Variants in LASP1 observed in about 807,000 individuals in gnomAD.
LASP1 encodes the protein LIM and SH3 domain protein 1.
A neutral mutation model predicts 38.6 loss-of-function variants in LASP1; 10 were observed. That is an observed-to-expected ratio of 0.26 (90% CI 0.16 to 0.44). The LOEUF (loss-of-function observed/expected upper bound fraction) is 0.44, where lower values mean the gene tolerates loss of function less well. Among genes scored for constraint, LASP1 ranks in the 20% least tolerant of loss-of-function variants. The pLI, the probability that LASP1 is intolerant of heterozygous loss-of-function variation, is 1.00. For synonymous variants in LASP1, 132 were observed against 140.8 expected (o/e 0.94, Z 0.44); for missense variants, 243 against 375.7 (o/e 0.65, Z 2.92).
At chr17:38,911,947 C>G (rs1914963289) in intron 4 of LASP1, among the ~76,000 whole-genome samples, 1 of 152,200 alleles carries the variant, frequency 6.6e-6, no homozygotes, top group South Asian at 2.1e-4. Context: ...GCGCCCGTCA[C>G]CACACCCAGC....
intron 1 of LASP1, among the ~76,000 whole-genome samples, chr17:38,877,855 C>T (rs1014386702): frequency 6.6e-5 from 10 of 152,288 alleles, no homozygotes; most frequent in Admixed American, 2.0e-4. Context: ...CTGTCTCTTC[C>T]TCCTGGGTTC....
chr17:38,872,042 C>A (rs1376214156), intron 1 of LASP1, among the ~76,000 whole-genome samples: 1 of 152,178 alleles, frequency 6.6e-6, no homozygotes, highest in East Asian at 1.9e-4. Flanking sequence ...GCACTTGACC[C>A]GTATAAGGAA....
chr17:38,893,097 C>T (rs1447981616), intron 3 of LASP1, among the ~76,000 whole-genome samples: 1 of 152,234 alleles, frequency 6.6e-6, no homozygotes. Context: ...CTCTTATTAT[C>T]CCCATCATAC....
In LASP1 at chr17:38,898,401, C is replaced by T; in HGVS notation, c.250-11C>T. The T allele has an allele frequency of 6.5e-7, 1 of 1,538,952 alleles. No individual in the cohort carries two copies. Among genetic ancestry groups the T allele is most frequent in the Non-Finnish European group, 8.8e-7 (1 of 1,137,060 alleles). ...GGCCTGACTCCAATCCCTCTTCCTC[C>T]CCTCCTGCAGGTGCGCTACAAGGAG... is the stretch of plus-strand genomic sequence containing the variant. On this transcript the variant is annotated splice_polypyrimidine_tract_variant and intron_variant, in intron 3 of 6. Coordinates refer to ENST00000318008, the MANE Select transcript of LASP1 (RefSeq NM_006148.4).
intron 3 of LASP1, among the ~76,000 whole-genome samples, chr17:38,896,087 C>T (rs909329429): frequency 6.6e-6 from 1 of 152,168 alleles, no homozygotes; most frequent in Non-Finnish European, 1.5e-5. Context: ...TCCTAGACAA[C>T]AGGGGCAAGC....
chr17:38,876,142 C>A (rs1913766850), intron 1 of LASP1, among the ~76,000 whole-genome samples: 1 of 151,446 alleles, frequency 6.6e-6, no homozygotes, highest in Non-Finnish European at 1.5e-5. Flanking sequence ...AAGACCCCTC[C>A]AGGCTGCCAC....
At chr17:38,880,617 G>GAGAGCT (rs1913919226) in intron 2 of LASP1, among the ~76,000 whole-genome samples, 1 of 152,184 alleles carries the variant, frequency 6.6e-6, no homozygotes, top group Admixed American at 6.5e-5. Flanking sequence ...AGAGACCTGG[G>GAGAGCT]GGCTTTGTGA....
At chr17:38,911,116 G>A (rs1914928079) in intron 4 of LASP1, among the ~76,000 whole-genome samples, 1 of 152,116 alleles carries the variant, frequency 6.6e-6, no homozygotes, top group African/African-American at 2.4e-5. Flanking sequence ...GTGCAGTGCT[G>A]TGGGAGACCC....
At position 38,919,236 on chromosome 17, in the gene LASP1, A is replaced by C. The variant is rs1454817380; in HGVS notation, c.*458A>C. On this transcript the variant is annotated 3_prime_UTR_variant, in exon 7 of 7. Coordinates refer to ENST00000318008, the MANE Select transcript of LASP1 (RefSeq NM_006148.4). ...CTTGGTTCCTGGGATGGCGATGGGG[A>C]CTCTGCCGCTGTGTAGGGACCAGTG... 3.8e-6 allele frequency: 1 copy of C among 260,134 alleles called. No individual in the cohort carries two copies. Among genetic ancestry groups the C allele is most frequent in the Non-Finnish European group, 7.5e-6 (1 of 133,216 alleles). The allele number at this position is 260,134 out of a possible 1,614,324, so 16.1% of individuals were successfully genotyped here. A position where few individuals can be genotyped will look rare whatever the true frequency, so the allele number is the denominator to read the frequency against.
chr17:38,874,274 C>T (rs1367488705), intron 1 of LASP1, among the ~76,000 whole-genome samples: 5 of 152,190 alleles, frequency 3.3e-5, no homozygotes, highest in South Asian at 2.1e-4. Flanking sequence ...GAGGGGGGCT[C>T]TTGCTCTGGG....
chr17:38,875,037 A>G (rs1913720469), intron 1 of LASP1, among the ~76,000 whole-genome samples: 1 of 138,330 alleles, frequency 7.2e-6, no homozygotes. Flanking sequence ...CCGTGGTCCT[A>G]GGACAGTGTG....
intron 1 of LASP1, among the ~76,000 whole-genome samples, chr17:38,874,299 G>A (rs1913694747): frequency 6.6e-6 from 1 of 152,214 alleles, no homozygotes; most frequent in Non-Finnish European, 1.5e-5. Context: ...AGCCCATGGG[G>A]CAGGGCAGAG....
intron 2 of LASP1, among the ~76,000 whole-genome samples, chr17:38,886,880 G>T (rs891000631): frequency 2.0e-5 from 3 of 152,158 alleles, no homozygotes; most frequent in African/African-American, 7.2e-5. Flanking sequence ...CGGTCTTTGG[G>T]CACTGGAGCT....
chr17:38,917,980 A>T (rs754001301), intron 6 of LASP1, among the ~76,000 whole-genome samples: 1 of 152,108 alleles, frequency 6.6e-6, no homozygotes. Context: ...CTCTACAAAA[A>T]AGTACAAAAA....
rs2143734264 is a variant in LASP1, at chr17:38,878,123, A to G, written c.107A>G (p.Lys36Arg). ...HKACFHCETC[K>R]MTLNMKNYKG... ...GCATGCTTCCATTGCGAGACCTGCA[A>G]GATGACACTGAACATGAAGAACTAC... The change falls in exon 2 of 7, where the codon AAG becomes AGG. Residue 36 changes from lysine (K) to arginine (R), a missense_variant. Lys to Arg is a conservative substitution (Grantham distance 26). This residue lies in a region of LASP1 where 43 missense variants were observed against 108.3 expected (regional missense o/e 0.40). Coordinates refer to ENST00000318008, the MANE Select transcript of LASP1 (RefSeq NM_006148.4). 1 of 1,614,050 alleles carries G rather than the reference A, an allele frequency of 6.2e-7. No homozygotes were observed. The highest frequency in any genetic ancestry group is 1.7e-5 in the Admixed American group (1 of 60,016).
At chr17:38,917,817 G>A (rs1915176608) in intron 6 of LASP1, among the ~76,000 whole-genome samples, 1 of 151,944 alleles carries the variant, frequency 6.6e-6, no homozygotes. Flanking sequence ...AGCCTCCTGA[G>A]TAGCTGAGAC....
chr17:38,902,611 A>G (rs938903792), intron 4 of LASP1, among the ~76,000 whole-genome samples: 1 of 152,154 alleles, frequency 6.6e-6, no homozygotes, highest in Non-Finnish European at 1.5e-5. Context: ...TGTATCCAAA[A>G]TAGCATTCCT....
chr17:38,901,888 C>G (rs1304342142), intron 4 of LASP1, among the ~76,000 whole-genome samples: 1 of 152,030 alleles, frequency 6.6e-6, no homozygotes, highest in Admixed American at 6.6e-5. Flanking sequence ...GCCTCAGCCT[C>G]GTGAGTAGCT....
chr17:38,877,939 C>A, intron 1 of LASP1, 147 bp from the exon 2 acceptor site: 2 of 601,858 alleles, frequency 3.3e-6, no homozygotes, highest in East Asian at 2.8e-5. Context: ...TGAAATGCCC[C>A]CAGCTCACCT....
Sources: allele counts gnomAD v4.1 joint callset (sites outside exome capture counted in the v4.1 genomes callset), GRCh38; gene constraint gnomAD v4.1.1; regional missense constraint gnomAD v4.1.1; transcripts MANE v1.5; gene names NCBI Gene and HGNC (gene_info 2026-07-23, HGNC 2026-07-21).